VPS13B: variants seen among roughly 807,000 people sequenced by gnomAD.
VPS13B encodes the protein vacuolar protein sorting 13 homolog B.
In VPS13B, 285 loss-of-function variants were observed where a neutral mutation model predicts 426.4. The observed-to-expected ratio is 0.67, with a 90% CI of 0.61 to 0.74. The LOEUF (loss-of-function observed/expected upper bound fraction) is 0.74. Ranked by LOEUF, VPS13B falls within the 30% of genes least tolerant of loss-of-function variation. VPS13B has a pLI of 0.00. For synonymous variants in VPS13B, 1,676 were observed against 1,676.4 expected, an observed-to-expected ratio of 1.00 and a Z score of 0.01; for missense variants, 4,537 against 4,782.6, an observed-to-expected ratio of 0.95 and a Z score of 1.51.
chr8:99,870,008 C>T lies in VPS13B; in HGVS notation c.11393-777C>T, dbSNP rs1563519079. 1.3e-5 allele frequency among the ~76,000 whole-genome samples: 2 copies of T among 152,328 alleles called. 1 individual carries two copies. Among genetic ancestry groups the T allele is most frequent in the South Asian group, 4.1e-4 (2 of 4,822 alleles). On this transcript the variant is annotated intron_variant, in intron 59 of 61. Coordinates refer to ENST00000357162, the MANE Select transcript of VPS13B (RefSeq NM_152564.5). ...TCATAAACCAGGGGCCCCAAGCGTG[C>T]TCATAAATGTATATGGATTCGTGTT...
chr8:99,582,445 T>G (rs1826109144), intron 33 of VPS13B, among the ~76,000 whole-genome samples: 1 of 152,168 alleles, frequency 6.6e-6, no homozygotes, highest in African/African-American at 2.4e-5. Context: ...CACTTGCTAT[T>G]TGTTGTTAAT....
intron 33 of VPS13B, among the ~76,000 whole-genome samples, chr8:99,582,801 G>A (rs547648698): frequency 1.3e-4 from 19 of 151,884 alleles, no homozygotes; most frequent in Non-Finnish European, 2.5e-4. Context: ...GACTAGAGGC[G>A]CCCGCCACCA....
At chr8:99,100,579 C>A (rs1159288258) in intron 4 of VPS13B, among the ~76,000 whole-genome samples, 1 of 152,112 alleles carries the variant, frequency 6.6e-6, no homozygotes, top group African/African-American at 2.4e-5. Flanking sequence ...TGTAAGCCAC[C>A]ATGCCCAGCC....
At chr8:99,820,815 C>T (rs1814315283) in intron 49 of VPS13B, among the ~76,000 whole-genome samples, 1 of 151,900 alleles carries the variant, frequency 6.6e-6, no homozygotes. Context: ...CTTTTTTGAG[C>T]TCCAGGTCAT....
rs768082312 is a variant in VPS13B at position 99,784,473 on chromosome 8, A to G, written c.7938A>G (p.Pro2646=). The change falls in exon 43 of 62, where the codon CCA becomes CCG. Residue 2646 remains proline, a synonymous_variant. Transcript: ENST00000357162. The stretch of plus-strand genomic sequence containing the variant: ...ACAGCTGGCGCTCTCACAAATCCCC[A>G]CAGGTATTTGAGAAACACCCTTACA... ...HQYSWRSHKS[P]QLLHICIEGW... is the part of the protein sequence containing the mutation. The G allele has an allele frequency of 7.4e-6, 12 of 1,613,548 alleles. No individual in the cohort carries two copies. Among genetic ancestry groups the G allele is most frequent in the South Asian group, 1.1e-5 (1 of 91,076 alleles).
chr8:99,491,867 A>G (rs1588433674), intron 25 of VPS13B, among the ~76,000 whole-genome samples: 1 of 152,124 alleles, frequency 6.6e-6, no homozygotes, highest in African/African-American at 2.4e-5. Flanking sequence ...ACTTCTGTCA[A>G]TTCGTCAAAG....
chr8:99,218,865 G>A (rs1395017212), intron 17 of VPS13B, among the ~76,000 whole-genome samples: 2 of 152,160 alleles, frequency 1.3e-5, no homozygotes, highest in African/African-American at 4.8e-5. Flanking sequence ...CCATACAGTG[G>A]TAATCTCTGC....
chr8:99,022,748 T>G (rs1448015655), intron 2 of VPS13B, among the ~76,000 whole-genome samples: 1 of 152,208 alleles, frequency 6.6e-6, no homozygotes, highest in African/African-American at 2.4e-5. Context: ...TTTCTCATTT[T>G]TAGTTTTGTT....
At chr8:99,532,940 G>GTTTT (rs1359948269) in intron 30 of VPS13B, among the ~76,000 whole-genome samples, 2 of 128,736 alleles carry the variant, frequency 1.6e-5, no homozygotes, top group African/African-American at 2.9e-5. Flanking sequence ...ACTGAGGGGT[G>GTTTT]TTTTTTTTTT....
chr8:99,302,215 A>G (rs1820407209), intron 19 of VPS13B, among the ~76,000 whole-genome samples: 1 of 152,216 alleles, frequency 6.6e-6, no homozygotes, highest in Non-Finnish European at 1.5e-5. Context: ...CCAGATTACC[A>G]GGGTTGGCTT....
At chr8:99,066,086 T>G (rs1563517497) in intron 3 of VPS13B, among the ~76,000 whole-genome samples, 1 of 152,196 alleles carries the variant, frequency 6.6e-6, no homozygotes, top group Non-Finnish European at 1.5e-5. Context: ...TCAAGGTAAT[T>G]TATAGATTCA....
chr8:99,796,801 G>C (rs968443264), intron 43 of VPS13B: 1 of 152,206 alleles, frequency 6.6e-6, no homozygotes, highest in East Asian at 1.9e-4. Flanking sequence ...TGTTTGCCAG[G>C]TGTCTTGGTT....
chr8:99,037,204 T>C (rs1842783314), intron 2 of VPS13B, among the ~76,000 whole-genome samples: 3 of 151,988 alleles, frequency 2.0e-5, no homozygotes, highest in Admixed American at 6.6e-5. Flanking sequence ...TAATGACAAA[T>C]ATCTAAAAAT....
At chr8:99,090,470 A>G (rs1427407164) in intron 3 of VPS13B, among the ~76,000 whole-genome samples, 1 of 152,012 alleles carries the variant, frequency 6.6e-6, no homozygotes, top group Non-Finnish European at 1.5e-5. Context: ...GGGTTACACC[A>G]TGTTGGCCAC....
intron 17 of VPS13B, among the ~76,000 whole-genome samples, chr8:99,263,667 TCTC>T (rs1175512605): frequency 1.3e-5 from 2 of 152,196 alleles, no homozygotes; most frequent in African/African-American, 2.4e-5. Context: ...TTTTTTGCCT[TCTC>T]CTACTACTTT....
chr8:99,199,062 T>G (rs1814128925), intron 17 of VPS13B, among the ~76,000 whole-genome samples: 1 of 152,234 alleles, frequency 6.6e-6, no homozygotes, highest in Non-Finnish European at 1.5e-5. Flanking sequence ...ATGTGATCCT[T>G]TGCTTTACAA....
At chr8:99,303,422 T>G (rs1255095497) in intron 19 of VPS13B, among the ~76,000 whole-genome samples, 1 of 151,912 alleles carries the variant, frequency 6.6e-6, no homozygotes, top group Non-Finnish European at 1.5e-5. Context: ...ATATTTTTTC[T>G]ATAGTAATAC....
intron 3 of VPS13B, among the ~76,000 whole-genome samples, chr8:99,060,702 A>G (rs893275116): frequency 1.3e-5 from 2 of 152,132 alleles, no homozygotes; most frequent in African/African-American, 4.8e-5. Context: ...GAAACTTGGC[A>G]TAAAGTGGAT....
At chr8:99,434,282 TTGTCTC>T (rs1415141520) in intron 22 of VPS13B, among the ~76,000 whole-genome samples, 1 of 152,172 alleles carries the variant, frequency 6.6e-6, no homozygotes, top group Non-Finnish European at 1.5e-5. Flanking sequence ...TGTGAGGAAA[TTGTCTC>T]TGTGAGCAAC....
Sources: allele counts gnomAD v4.1 joint callset (sites outside exome capture counted in the v4.1 genomes callset), GRCh38; gene constraint gnomAD v4.1.1; transcripts MANE v1.5; gene names NCBI Gene and HGNC (gene_info 2026-07-23, HGNC 2026-07-21).